Variants in SLC28A1 observed in about 807,000 individuals in gnomAD.
SLC28A1 encodes the protein solute carrier family 28 member 1.
In SLC28A1, 64 loss-of-function variants were observed where a neutral mutation model predicts 74.8. The observed-to-expected ratio is 0.86, with a 90% CI of 0.70 to 1.05. The LOEUF (loss-of-function observed/expected upper bound fraction) is 1.05, where lower values mean the gene tolerates loss of function less well. Among genes scored for constraint, SLC28A1 ranks in the 50% least tolerant of loss-of-function variants. The pLI, the probability that SLC28A1 is intolerant of heterozygous loss-of-function variation, is 0.00. For missense variants in SLC28A1, 828 were observed against 822.8 expected (o/e 1.01, Z -0.08); for synonymous variants, 359 against 335.0 (o/e 1.07, Z -0.78).
chr15:84,896,747 T>G (rs551581666), intron 6 of SLC28A1, among the ~76,000 whole-genome samples: 1 of 152,196 alleles, frequency 6.6e-6, no homozygotes, highest in African/African-American at 2.4e-5. Flanking sequence ...GAAAAATGGA[T>G]AAAGAAAATC....
intron 12 of SLC28A1, among the ~76,000 whole-genome samples, chr15:84,930,114 G>T (rs1971094795): frequency 6.6e-6 from 1 of 152,378 alleles, no homozygotes; most frequent in East Asian, 1.9e-4. Flanking sequence ...TCACCCAGGG[G>T]ACAGTGTGCA....
intron 1 of SLC28A1, chr15:84,885,983 G>T: frequency 4.3e-6 from 1 of 234,850 alleles, no homozygotes; most frequent in Non-Finnish European, 7.0e-6. Context: ...GTACTAGCAA[G>T]TATTTATGCA....
intron 6 of SLC28A1, among the ~76,000 whole-genome samples, chr15:84,899,279 A>C (rs1966342770): frequency 6.6e-6 from 1 of 152,212 alleles, no homozygotes; most frequent in Admixed American, 6.5e-5. Context: ...AGCATCAGTT[A>C]ACCACGGCAC....
Position 84,889,980 on chromosome 15 carries a change from C to T in SLC28A1, c.186-463C>T, listed in dbSNP as rs144240385. Among the ~76,000 whole-genome samples the T allele has an allele frequency of 3.4e-3, 520 of 151,596 alleles. 3 individuals carry two copies. The highest frequency in any genetic ancestry group is 0.01 in the African/African-American group (431 of 41,292). On this transcript the variant is annotated intron_variant, in intron 4 of 18. Coordinates refer to ENST00000394573, the MANE Select transcript of SLC28A1 (RefSeq NM_004213.5). ...CTTCTTGAGCAGCTGGGATTACAGG[C>T]GCACGCCACCATGCCTGGCTAATTT...
intron 6 of SLC28A1, among the ~76,000 whole-genome samples, chr15:84,897,626 TC>T (rs557554840): frequency 2.1e-4 from 19 of 92,418 alleles, no homozygotes; most frequent in African/African-American, 5.3e-4. Context: ...TATTTGTCTT[TC>T]TTTATGTTAG....
chr15:84,905,842 G>A lies in SLC28A1; in HGVS notation c.717+190G>A, dbSNP rs564133788. ...GCAGTGCAGCTGCCACTTCCCTCAT[G>A]CCTGGTACTGAGGTCCCAATAGAGT... is the stretch of plus-strand genomic sequence containing the variant. On this transcript the variant is annotated intron_variant, in intron 8 of 18. Transcript: ENST00000394573. 5.3e-5 allele frequency among the ~76,000 whole-genome samples: 8 copies of A among 152,066 alleles called. No individual in the cohort carries two copies. In the South Asian group the frequency reaches 1.0e-3, roughly 20 times the overall value.
rs1010445752 is a variant in SLC28A1, at chr15:84,936,232, T to C, written c.1581+714T>C. ...TGCTGGGATTACAAGCGTGAGCCAC[T>C]GCGCCCGGCTGTTTTGGTTTGGTTT... On this transcript the variant is annotated intron_variant, in intron 15 of 18. Transcript: ENST00000394573. Among the ~76,000 whole-genome samples the C allele has an allele frequency of 2.0e-4, 28 of 142,990 alleles. 1 individual carries two copies. Among genetic ancestry groups the C allele is most frequent in the African/African-American group, 5.4e-4 (21 of 39,032 alleles). 93.8% of individuals were successfully genotyped at this position (142,990 alleles called of 152,430 possible).
In SLC28A1 at chr15:84,891,859, G is replaced by A. The variant is rs1001712070; in HGVS notation, c.277+1325G>A. 6.6e-5 allele frequency among the ~76,000 whole-genome samples: 10 copies of A among 152,166 alleles called. No individual in the cohort carries two copies. The East Asian group carries it at 1.9e-3, about 29-fold the overall frequency. On this transcript the variant is annotated intron_variant, in intron 5 of 18. Coordinates refer to ENST00000394573, the MANE Select transcript of SLC28A1 (RefSeq NM_004213.5). ...TGTCAAGGATGGGCATGAGTTTGGG[G>A]TGGGAGACACTTTGTTTGTACGAGC...
At chr15:84,919,478 T>C (rs1969543715) in intron 10 of SLC28A1, among the ~76,000 whole-genome samples, 1 of 152,216 alleles carries the variant, frequency 6.6e-6, no homozygotes, top group African/African-American at 2.4e-5. Flanking sequence ...ATTTGGCTCA[T>C]GGCCAAATAG....
chr15:84,900,482 A>G (rs1475437808), intron 6 of SLC28A1, among the ~76,000 whole-genome samples: 2 of 151,874 alleles, frequency 1.3e-5, no homozygotes, highest in Non-Finnish European at 2.9e-5. Flanking sequence ...GGAAAATGCT[A>G]CTAGACAGAA....
chr15:84,901,674 T>C (rs1966708189), intron 6 of SLC28A1, among the ~76,000 whole-genome samples: 1 of 152,236 alleles, frequency 6.6e-6, no homozygotes, highest in African/African-American at 2.4e-5. Flanking sequence ...TATTACCATA[T>C]GCTGATTAGA....
intron 4 of SLC28A1, among the ~76,000 whole-genome samples, chr15:84,889,387 G>A (rs1234036989): frequency 1.3e-5 from 2 of 152,168 alleles, no homozygotes; most frequent in East Asian, 1.9e-4. Flanking sequence ...TGAGGACACC[G>A]TGATGGGCAG....
chr15:84,887,307 T>G, intron 2 of SLC28A1: 10 of 976,114 alleles, frequency 1.0e-5, no homozygotes, highest in Non-Finnish European at 1.1e-5. Context: ...AATTCTTTAC[T>G]TTCCTTCCCT....
At position 84,928,555 on chromosome 15, in the gene SLC28A1, T is replaced by G. The variant is rs1291681009; in HGVS notation, c.1083+4445T>G. On this transcript the variant is annotated intron_variant, in intron 12 of 18. Transcript: ENST00000394573. ...CTTTCTTTCTTTCTTTCTTTCTTTCTTTCTTTCTTTCTTTCTTTCTTTCTT... is the reference window on the plus strand; with the variant it reads ...CTTTCTTTCTTTCTTTCTTTCTTTCGTTCTTTCTTTCTTTCTTTCTTTCTT... 6.7e-3 allele frequency among the ~76,000 whole-genome samples: 152 copies of G among 22,616 alleles called. 33 individuals are homozygous for G. Among genetic ancestry groups the G allele is most frequent in the Middle Eastern group, 0.056 (2 of 36 alleles). The allele number at this position is 22,616 out of a possible 152,430, so 14.8% of individuals were successfully genotyped here.
chr15:84,973,843 G>A, the SLC28A1 span, among the ~76,000 whole-genome samples: 7 of 152,264 alleles, frequency 4.6e-5, no homozygotes, highest in South Asian at 2.1e-4. Flanking sequence ...ATTCATCTGC[G>A]ACCCTGGGTG....
chr15:84,890,436 T>C lies in SLC28A1; in HGVS notation c.186-7T>C, dbSNP rs371267767. On this transcript the variant is annotated splice_region_variant and splice_polypyrimidine_tract_variant and intron_variant, in intron 4 of 18. Coordinates refer to ENST00000394573, the MANE Select transcript of SLC28A1 (RefSeq NM_004213.5). ...GCACTCATGGACCCTGCTGGTCTTG[T>C]TCCCAGGAGGAACCTGCAGCCAGCC... 8.1e-6 allele frequency: 13 copies of C among 1,603,824 alleles called. No homozygotes were observed. The South Asian group carries it at 1.3e-4, about 16-fold the overall frequency.
chr15:84,963,036 A>C, the SLC28A1 span, among the ~76,000 whole-genome samples: 1 of 152,128 alleles, frequency 6.6e-6, no homozygotes, highest in African/African-American at 2.4e-5. Flanking sequence ...AGCCAGCCTG[A>C]CGCCTCAGCA....
At chr15:84,903,073 T>G (rs945840770) in intron 6 of SLC28A1, among the ~76,000 whole-genome samples, 1 of 152,084 alleles carries the variant, frequency 6.6e-6, no homozygotes, top group Admixed American at 6.6e-5. Flanking sequence ...AGAGAAATAG[T>G]AAGTAAAGAG....
At chr15:84,910,598 C>T (rs1416495033) in intron 9 of SLC28A1, among the ~76,000 whole-genome samples, 1 of 152,166 alleles carries the variant, frequency 6.6e-6, no homozygotes, top group Admixed American at 6.5e-5. Context: ...TGTGGTGGTG[C>T]ATGCCTGTAA....
Sources: gnomAD v4.1 joint callset for allele counts (sites outside exome capture counted in the v4.1 genomes callset) on GRCh38, gnomAD v4.1.1 for gene constraint, MANE v1.5 for transcripts, NCBI Gene and HGNC (gene_info 2026-07-23, HGNC 2026-07-21) for gene names.